HES5: variants seen among roughly 807,000 people sequenced by gnomAD.
HES5 encodes the protein transcription factor HES-5.
HES5 carries 12 observed loss-of-function variants against 9.6 expected under a neutral mutation model. That is an observed-to-expected ratio of 1.25 (90% CI 0.80 to 2.03). The LOEUF (loss-of-function observed/expected upper bound fraction) is 2.03. HES5 is among the 30% of genes most tolerant of loss of function. HES5 has a pLI of 0.00. For synonymous variants in HES5, 131 were observed against 102.4 expected (o/e 1.28, Z -1.69); for missense variants, 255 against 218.6 (o/e 1.17, Z -1.05).
At position 2,529,874 on chromosome 1, in the gene HES5, C is replaced by T. The variant is rs779623635; in HGVS notation, c.192G>A (p.Met64Ile). Reference protein sequence around the residue: ...SKLEKADILEMAVSYLKHSKA... With the variant: ...SKLEKADILEIAVSYLKHSKA... ...TGCTGTGCTTCAGGTAGCTGACAGC[C>T]ATCTCCAGGATGTCGGCCTTCTCCA... Residue 64 changes from methionine (M) to isoleucine (I), a missense_variant, in exon 2 of 3, where the codon ATG becomes ATA. Physicochemically the swap from Met to Ile is conservative, Grantham distance 10 (BLOSUM62 1). Coordinates refer to ENST00000378453, the MANE Select transcript of HES5 (RefSeq NM_001010926.4). The surrounding 1 kb of genome is among the most constrained non-coding windows in gnomAD (Gnocchi z 4.5). 77 of 1,598,758 alleles carry T rather than the reference C, an allele frequency of 4.8e-5. No individual in the cohort carries two copies. The highest frequency in any genetic ancestry group is 6.1e-5 in the Non-Finnish European group (71 of 1,173,014).
rs1415696299 is a variant in HES5 at position 2,529,860 on chromosome 1, A to G, written c.206T>C (p.Leu69Pro). ...GGCGCGCTCACCTTTGCTGTGCTTC[A>G]GGTAGCTGACAGCCATCTCCAGGAT... ...ADILEMAVSY[L>P]KHSKAFVAAA... The change falls in exon 2 of 3, where the codon CTG (leucine) becomes CCG (proline). Residue 69 changes from leucine (L) to proline (P), a missense_variant. Coordinates refer to ENST00000378453, the MANE Select transcript of HES5 (RefSeq NM_001010926.4). This position sits in a 1 kb window ranked among gnomAD's most constrained non-coding sequence, Gnocchi z 4.5. The G allele has an allele frequency of 1.9e-5, 31 of 1,591,438 alleles. No individual in the cohort carries two copies. Among genetic ancestry groups the G allele is most frequent in the Non-Finnish European group, 2.7e-5 (31 of 1,168,918 alleles).
In HES5 at chr1:2,530,230, G is replaced by T; in HGVS notation, c.-66C>A. 1 of 1,369,278 alleles carries T rather than the reference G, an allele frequency of 7.3e-7. No homozygotes were observed. Among genetic ancestry groups the T allele is most frequent in the Non-Finnish European group, 9.5e-7 (1 of 1,051,718 alleles). 84.8% of individuals were successfully genotyped at this position (1,369,278 alleles called of 1,614,324 possible). On this transcript the variant is annotated 5_prime_UTR_variant, in exon 1 of 3. Transcript: ENST00000378453. The stretch of plus-strand genomic sequence containing the variant: ...GGGCGAGACGAGGCGAGCGGGCGCG[G>T]GCAAGGCCAAGCGCGTCCCGGGCTG...
Position 2,529,475 on chromosome 1 carries a change from G to A in HES5, c.495C>T (p.Pro165=). 1 of 1,060,912 alleles carries A rather than the reference G, an allele frequency of 9.4e-7. No homozygotes were observed. The highest frequency in any genetic ancestry group is 4.4e-5 in the South Asian group (1 of 22,694). 65.7% of individuals were successfully genotyped at this position (1,060,912 alleles called of 1,614,324 possible). A position where few individuals can be genotyped will look rare whatever the true frequency, so the allele number is the denominator to read the frequency against. Residue 165 remains proline (P), a synonymous_variant, in exon 3 of 3, where the codon CCC becomes CCT. Coordinates refer to ENST00000378453, the MANE Select transcript of HES5 (RefSeq NM_001010926.4). The surrounding 1 kb of genome is among the most constrained non-coding windows in gnomAD (Gnocchi z 4.5). ...AHQPACGLWR[P]W ...GCCCGCAGGTCCCGCCGGGTCACCA[G>A]GGCCGCCAGAGGCCGCAGGCGGGCT...
Position 2,528,793 on chromosome 1 carries a change from C to T in HES5, c.*676G>A, listed in dbSNP as rs182611411. On this transcript the variant is annotated 3_prime_UTR_variant, in exon 3 of 3. Coordinates refer to ENST00000378453, the MANE Select transcript of HES5 (RefSeq NM_001010926.4). ...TATTATGGCGGCTTCGGAGCAGTCC[C>T]GTGGCTTCCACGTGACTGAGAGTTC... is the stretch of plus-strand genomic sequence containing the variant. 6.6e-6 allele frequency: 1 copy of T among 152,564 alleles called. No individual in the cohort carries two copies. Among genetic ancestry groups the T allele is most frequent in the Non-Finnish European group, 1.5e-5 (1 of 68,060 alleles). 9.5% of individuals were successfully genotyped at this position (152,564 alleles called of 1,614,324 possible).
At position 2,529,322 on chromosome 1, in the gene HES5, C is replaced by T. The variant is rs1393797065; in HGVS notation, c.*147G>A. The T allele has an allele frequency of 3.9e-6, 3 of 773,092 alleles. No individual in the cohort carries two copies. The highest frequency in any genetic ancestry group is 4.7e-6 in the Non-Finnish European group (3 of 633,512). 47.9% of individuals were successfully genotyped at this position (773,092 alleles called of 1,614,324 possible). ...ACATTCTCTGAGAATGGGGCTCCTG[C>T]GGGCCGGCCAGCTTGGGGCCAGAGC... On this transcript the variant is annotated 3_prime_UTR_variant, in exon 3 of 3. Coordinates refer to ENST00000378453, the MANE Select transcript of HES5 (RefSeq NM_001010926.4). This position sits in a 1 kb window ranked among gnomAD's most constrained non-coding sequence, Gnocchi z 4.5.
chr1:2,529,323 G>T lies in HES5; in HGVS notation c.*146C>A. ...CATTCTCTGAGAATGGGGCTCCTGC[G>T]GGCCGGCCAGCTTGGGGCCAGAGCC... On this transcript the variant is annotated 3_prime_UTR_variant, in exon 3 of 3. Coordinates refer to ENST00000378453, the MANE Select transcript of HES5 (RefSeq NM_001010926.4). This position sits in a 1 kb window ranked among gnomAD's most constrained non-coding sequence, Gnocchi z 4.5. 1 of 781,550 alleles carries T rather than the reference G, an allele frequency of 1.3e-6. No homozygotes were observed. Among genetic ancestry groups the T allele is most frequent in the Non-Finnish European group, 1.6e-6 (1 of 641,336 alleles). 48.4% of individuals were successfully genotyped at this position (781,550 alleles called of 1,614,324 possible). A position where few individuals can be genotyped will look rare whatever the true frequency, so the allele number is the denominator to read the frequency against.
At position 2,529,582 on chromosome 1, in the gene HES5, C is replaced by G; in HGVS notation, c.388G>C (p.Ala130Pro). ...QRPPAAPAAP[A>P]KEPKAPGAAP... ...GCGCCCGGCGCCTTGGGCTCCTTGG[C>G]GGGCGCGGCGGGCGCGGCCGGGGGC... is the stretch of plus-strand genomic sequence containing the variant. Residue 130 changes from alanine (A) to proline (P), a missense_variant, in exon 3 of 3, where the codon GCC (alanine) becomes CCC (proline). Physicochemically the swap from Ala to Pro is conservative, Grantham distance 27 (BLOSUM62 -1). Coordinates refer to ENST00000378453, the MANE Select transcript of HES5 (RefSeq NM_001010926.4). The surrounding 1 kb of genome is among the most constrained non-coding windows in gnomAD (Gnocchi z 4.5). 1 of 1,147,390 alleles carries G rather than the reference C, an allele frequency of 8.7e-7. No individual in the cohort carries two copies. The allele number at this position is 1,147,390 out of a possible 1,614,324, so 71.1% of individuals were successfully genotyped here.
Position 2,529,375 on chromosome 1 carries a change from G to A in HES5, c.*94C>T, listed in dbSNP as rs773599401. 5.2e-5 allele frequency: 52 copies of A among 992,714 alleles called. No individual in the cohort carries two copies. The highest frequency in any genetic ancestry group is 6.1e-5 in the Admixed American group (1 of 16,512). 61.5% of individuals were successfully genotyped at this position (992,714 alleles called of 1,614,324 possible). A position where few individuals can be genotyped will look rare whatever the true frequency, so the allele number is the denominator to read the frequency against. On this transcript the variant is annotated 3_prime_UTR_variant, in exon 3 of 3. Transcript: ENST00000378453. This position sits in a 1 kb window ranked among gnomAD's most constrained non-coding sequence, Gnocchi z 4.5. Reference sequence around the variant, plus strand: ...TCCGGAGAAGGGCGCGTCCAAGCCCGGGGCGGACGACGGCGGGAAGGCGCT... The same window carrying A: ...TCCGGAGAAGGGCGCGTCCAAGCCCAGGGCGGACGACGGCGGGAAGGCGCT...
intron 1 of HES5, 45 bp downstream of exon 1, chr1:2,530,066 A>C (rs1204826011): frequency 1.9e-6 from 3 of 1,599,650 alleles, no homozygotes; most frequent in Middle Eastern, 3.4e-4. Flanking sequence ...ACCCCCGAGG[A>C]CCGGAGGCCG....
chr1:2,529,380 G>A lies in HES5; in HGVS notation c.*89C>T. On this transcript the variant is annotated 3_prime_UTR_variant, in exon 3 of 3. Coordinates refer to ENST00000378453, the MANE Select transcript of HES5 (RefSeq NM_001010926.4). This position sits in a 1 kb window ranked among gnomAD's most constrained non-coding sequence, Gnocchi z 4.5. ...AGAAGGGCGCGTCCAAGCCCGGGGC[G>A]GACGACGGCGGGAAGGCGCTTCCCT... The A allele has an allele frequency of 1.0e-6, 1 of 1,000,468 alleles. No homozygotes were observed. The highest frequency in any genetic ancestry group is 1.2e-6 in the Non-Finnish European group (1 of 839,342). 62.0% of individuals were successfully genotyped at this position (1,000,468 alleles called of 1,614,324 possible). A position where few individuals can be genotyped will look rare whatever the true frequency, so the allele number is the denominator to read the frequency against.
In HES5 at chr1:2,530,204, C is replaced by CG; in HGVS notation, c.-41dup. 7.0e-7 allele frequency: 1 copy of CG among 1,436,450 alleles called. No individual in the cohort carries two copies. The allele number at this position is 1,436,450 out of a possible 1,614,324, so 89.0% of individuals were successfully genotyped here. ...AGGCGACGAGGCGACGCGGGGAGGC[C>CG]GGGCGAGACGAGGCGAGCGGGCGCG... On this transcript the variant is annotated 5_prime_UTR_variant, in exon 1 of 3. Coordinates refer to ENST00000378453, the MANE Select transcript of HES5 (RefSeq NM_001010926.4).
At position 2,529,596 on chromosome 1, in the gene HES5, G is replaced by A; in HGVS notation, c.374C>T (p.Ala125Val). The A allele has an allele frequency of 1.7e-6, 2 of 1,178,016 alleles. No individual in the cohort carries two copies. The allele number at this position is 1,178,016 out of a possible 1,614,324, so 73.0% of individuals were successfully genotyped here. A position where few individuals can be genotyped will look rare whatever the true frequency, so the allele number is the denominator to read the frequency against. The change falls in exon 3 of 3, where the codon GCG (alanine) becomes GTG (valine). Residue 125 changes from alanine to valine, a missense_variant. Coordinates refer to ENST00000378453, the MANE Select transcript of HES5 (RefSeq NM_001010926.4). This position sits in a 1 kb window ranked among gnomAD's most constrained non-coding sequence, Gnocchi z 4.5. ...LLYHFQRPPA[A>V]PAAPAKEPKA... ...GGGCTCCTTGGCGGGCGCGGCGGGC[G>A]CGGCCGGGGGCCGCTGGAAGTGGTA...
At chr1:2,530,039 C>G (rs1643986536) in intron 1 of HES5, 28 bp from the exon 2 acceptor site, 1 of 1,602,746 alleles carries the variant, frequency 6.2e-7, no homozygotes, top group African/African-American at 1.3e-5. Flanking sequence ...GTCAGGCTGG[C>G]CCGGCACGGC....
In HES5 at chr1:2,529,476, G is replaced by T. The variant is rs1393313834; in HGVS notation, c.494C>A (p.Pro165His). Residue 165 changes from proline (P) to histidine (H), a missense_variant, in exon 3 of 3, where the codon CCC becomes CAC. Pro to His is a moderately conservative substitution (Grantham distance 77). Coordinates refer to ENST00000378453, the MANE Select transcript of HES5 (RefSeq NM_001010926.4). The surrounding 1 kb of genome is among the most constrained non-coding windows in gnomAD (Gnocchi z 4.5). Reference protein sequence around the residue: ...AHQPACGLWRPW With the variant: ...AHQPACGLWRHW ...CCCGCAGGTCCCGCCGGGTCACCAG[G>T]GCCGCCAGAGGCCGCAGGCGGGCTG... The T allele has an allele frequency of 2.8e-6, 3 of 1,060,140 alleles. No individual in the cohort carries two copies. The highest frequency in any genetic ancestry group is 4.4e-5 in the South Asian group (1 of 22,698). 65.7% of individuals were successfully genotyped at this position (1,060,140 alleles called of 1,614,324 possible).
Position 2,529,606 on chromosome 1 carries a change from GC to G in HES5, c.363del (p.Pro123ArgfsTer132), listed in dbSNP as rs1228691214. 3.3e-6 allele frequency: 4 copies of G among 1,227,212 alleles called. No homozygotes were observed. The highest frequency in any genetic ancestry group is 4.1e-6 in the Non-Finnish European group (4 of 968,498). The allele number at this position is 1,227,212 out of a possible 1,614,324, so 76.0% of individuals were successfully genotyped here. Reference protein sequence around the residue: ...TQMKLLYHFQRPPAAPAAPAK... With the variant: ...TQMKLLYHFQXPPAAPAAPAK... ...GCGGGCGCGGCGGGCGCGGCCGGGG[GC>G]CGCTGGAAGTGGTACAGCAGCTTCA... On this transcript the variant is annotated frameshift_variant, in exon 3 of 3. Transcript: ENST00000378453. LOFTEE classifies it low-confidence loss of function (END_TRUNC). This position sits in a 1 kb window ranked among gnomAD's most constrained non-coding sequence, Gnocchi z 4.5.
rs1465888071 is a variant in HES5 at position 2,529,925 on chromosome 1, G to A, written c.141C>T (p.Phe47=). ...GCTTGGAGTTGGGCTGGTGCCGCGCGAACTCCTGCTCCAGCAGCAGCTTCA... is the reference window on the plus strand; with the variant it reads ...GCTTGGAGTTGGGCTGGTGCCGCGCAAACTCCTGCTCCAGCAGCAGCTTCA... ...EQLKLLLEQE[F]ARHQPNSKLE... is the part of the protein sequence containing the mutation. The change falls in exon 2 of 3, where the codon TTC becomes TTT. Residue 47 remains phenylalanine, a synonymous_variant. Transcript: ENST00000378453. The surrounding 1 kb of genome is among the most constrained non-coding windows in gnomAD (Gnocchi z 4.5). 3.1e-6 allele frequency: 5 copies of A among 1,607,430 alleles called. No homozygotes were observed. Among genetic ancestry groups the A allele is most frequent in the Non-Finnish European group, 4.2e-6 (5 of 1,177,544 alleles).
Position 2,530,237 on chromosome 1 carries a change from C to G in HES5, c.-73G>C. On this transcript the variant is annotated 5_prime_UTR_variant, in exon 1 of 3. Coordinates refer to ENST00000378453, the MANE Select transcript of HES5 (RefSeq NM_001010926.4). ...ACGAGGCGAGCGGGCGCGGGCAAGG[C>G]CAAGCGCGTCCCGGGCTGGCGCGGA... The G allele has an allele frequency of 7.9e-7, 1 of 1,268,418 alleles. No individual in the cohort carries two copies. The highest frequency in any genetic ancestry group is 1.0e-6 in the Non-Finnish European group (1 of 994,692). The allele number at this position is 1,268,418 out of a possible 1,614,324, so 78.6% of individuals were successfully genotyped here.
In HES5 at chr1:2,529,484, G is replaced by A; in HGVS notation, c.486C>T (p.Leu162=). The stretch of plus-strand genomic sequence containing the variant: ...TCCCGCCGGGTCACCAGGGCCGCCA[G>A]AGGCCGCAGGCGGGCTGGTGCGCGG... ...AAAAHQPACG[L]WRPW is the part of the protein sequence containing the mutation. The change falls in exon 3 of 3, where the codon CTC becomes CTT. Residue 162 remains leucine, a synonymous_variant. Transcript: ENST00000378453. This position sits in a 1 kb window ranked among gnomAD's most constrained non-coding sequence, Gnocchi z 4.5. 2.8e-6 allele frequency: 3 copies of A among 1,060,050 alleles called. No individual in the cohort carries two copies. In the South Asian group the frequency reaches 1.3e-4, roughly 47 times the overall value. 65.7% of individuals were successfully genotyped at this position (1,060,050 alleles called of 1,614,324 possible). A position where few individuals can be genotyped will look rare whatever the true frequency, so the allele number is the denominator to read the frequency against.
In HES5 at chr1:2,530,144, G is replaced by C. The variant is rs561079438; in HGVS notation, c.21C>G (p.Ala7=). Residue 7 remains alanine, a synonymous_variant, in exon 1 of 3, where the codon GCC becomes GCG. Transcript: ENST00000378453. MAPSTV[A]VELLSPKEKN... ...TCTCTTTGGGGCTGAGCAGCTCCAC[G>C]GCCACAGTGCTGGGGGCCATGCCTG... 85 of 1,547,070 alleles carry C rather than the reference G, an allele frequency of 5.5e-5. 1 individual carries two copies. The East Asian group carries it at 1.3e-3, about 23-fold the overall frequency.
Sources: allele counts gnomAD v4.1 joint callset, GRCh38; gene constraint gnomAD v4.1.1; non-coding constraint Gnocchi (gnomAD v3.1); transcripts MANE v1.5; gene names NCBI Gene and HGNC (gene_info 2026-07-23, HGNC 2026-07-21).